Variants in ACYP2 observed in about 807,000 individuals in gnomAD.
The protein encoded by ACYP2 is acylphosphatase 2.
A neutral mutation model predicts 11.2 loss-of-function variants in ACYP2; 12 were observed. The ratio of observed to expected loss-of-function variants is 1.08; its 90% confidence interval spans 0.69 to 1.74. The LOEUF is 1.74. ACYP2 is among the 40% of genes most tolerant of loss of function. The pLI, the probability that ACYP2 is intolerant of heterozygous loss-of-function variation, is 0.00. For synonymous variants in ACYP2, 43 were observed against 32.2 expected (o/e 1.33, Z -1.13); for missense variants, 134 against 101.9 (o/e 1.31, Z -1.35).
rs1447852707 is a variant in ACYP2 at position 54,115,905 on chromosome 2, G to GGGGGGGGGT, written c.278-19548_278-19547insGGGGGGGGT. ...TGACACAGCAGCGGCGGCGGGGAGG[G>GGGGGGGGGT]AGGCGAAACGCGCATGCGCCCGAGG... On this transcript the variant is annotated intron_variant, in intron 4 of 6. Transcript: ENST00000607452. 1.7e-5 allele frequency: 18 copies of GGGGGGGGGT among 1,049,150 alleles called. No homozygotes were observed. In the African/African-American group the frequency reaches 4.0e-4, roughly 23 times the overall value. 65.0% of individuals were successfully genotyped at this position (1,049,150 alleles called of 1,614,324 possible).
At chr2:54,009,225 G>C (rs1450324494) in intron 2 of ACYP2, among the ~76,000 whole-genome samples, 3 of 151,956 alleles carry the variant, frequency 2.0e-5, no homozygotes, top group Non-Finnish European at 2.9e-5. Flanking sequence ...GAATACTATT[G>C]TGGGGAATGA....
intron 2 of ACYP2, among the ~76,000 whole-genome samples, chr2:53,983,462 C>T (rs1228384909): frequency 1.3e-5 from 2 of 152,108 alleles, no homozygotes; most frequent in African/African-American, 4.8e-5. Flanking sequence ...GATGTGATTG[C>T]ACCACTGCCC....
chr2:54,016,222 A>C (rs1673675906), intron 2 of ACYP2, among the ~76,000 whole-genome samples: 1 of 152,026 alleles, frequency 6.6e-6, no homozygotes, highest in Admixed American at 6.6e-5. Flanking sequence ...GGCTTAGCTC[A>C]CAGTGCTGTC....
At chr2:54,101,824 A>G (rs910850527) in intron 4 of ACYP2, among the ~76,000 whole-genome samples, 1 of 152,210 alleles carries the variant, frequency 6.6e-6, no homozygotes, top group Non-Finnish European at 1.5e-5. Context: ...CAGAAAGTAC[A>G]GAGGGCTCTC....
At chr2:54,212,392 C>A (rs185702922) in intron 6 of ACYP2, among the ~76,000 whole-genome samples, 3 of 152,272 alleles carry the variant, frequency 2.0e-5, no homozygotes, top group Admixed American at 6.5e-5. Flanking sequence ...TTGAGTTCAC[C>A]TGTCATCCTG....
At chr2:54,078,377 T>A (rs1677455969) in intron 4 of ACYP2, among the ~76,000 whole-genome samples, 1 of 149,686 alleles carries the variant, frequency 6.7e-6, no homozygotes, top group African/African-American at 2.5e-5. Context: ...AGCTTCCATA[T>A]ATACATATAT....
intron 4 of ACYP2, among the ~76,000 whole-genome samples, chr2:54,063,259 TACAGGTGTGAGCC>T (rs1292555861): frequency 6.6e-6 from 1 of 152,186 alleles, no homozygotes; most frequent in African/African-American, 2.4e-5. Context: ...GTGTTGAGAT[TACAGGTGTGAGCC>T]ACTGCACCTG....
chr2:54,171,879 G>A (rs138858336), intron 6 of ACYP2, among the ~76,000 whole-genome samples: 12 of 152,024 alleles, frequency 7.9e-5, no homozygotes, highest in African/African-American at 2.2e-4. Flanking sequence ...AAAAGGTGCC[G>A]TTTTCTTTCC....
At chr2:54,253,156 G>C (rs1256495301) in intron 6 of ACYP2, 3 of 152,196 alleles carry the variant, frequency 2.0e-5, no homozygotes, top group Non-Finnish European at 4.4e-5. Flanking sequence ...ACCAGGACAA[G>C]TTATCAAAAA....
intron 6 of ACYP2, chr2:54,255,647 C>A (rs762227245): frequency 6.2e-7 from 1 of 1,613,730 alleles, no homozygotes; most frequent in South Asian, 1.1e-5. Flanking sequence ...TCCATTTCTT[C>A]GCCTCCTGGC....
chr2:54,111,877 C>T (rs553096528), intron 4 of ACYP2, among the ~76,000 whole-genome samples: 2 of 152,306 alleles, frequency 1.3e-5, no homozygotes, highest in Non-Finnish European at 2.9e-5. Flanking sequence ...ATAACTCTAG[C>T]AATCACTTTC....
chr2:54,111,552 C>A (rs1422100503), intron 4 of ACYP2, among the ~76,000 whole-genome samples: 1 of 152,226 alleles, frequency 6.6e-6, no homozygotes, highest in Non-Finnish European at 1.5e-5. Flanking sequence ...TGATAGAACG[C>A]TTAAGCAATT....
At chr2:54,007,300 C>T (rs1180596599) in intron 2 of ACYP2, among the ~76,000 whole-genome samples, 2 of 142,814 alleles carry the variant, frequency 1.4e-5, no homozygotes, top group African/African-American at 2.6e-5. Context: ...TGTCACCAGA[C>T]TGGAGTGCAA....
At chr2:53,975,209 G>C (rs1362969119) in intron 2 of ACYP2, 6 of 390,712 alleles carry the variant, frequency 1.5e-5, no homozygotes, top group Non-Finnish European at 1.3e-5. Context: ...TGGCGACAGA[G>C]CGAGACTCTG....
At chr2:54,243,233 G>A (rs979428437) in intron 6 of ACYP2, among the ~76,000 whole-genome samples, 2 of 152,080 alleles carry the variant, frequency 1.3e-5, no homozygotes, top group Non-Finnish European at 2.9e-5. Context: ...CAATTTCTTT[G>A]TTGTGCAAAT....
chr2:54,010,137 G>A (rs927018631), intron 2 of ACYP2, among the ~76,000 whole-genome samples: 3 of 152,134 alleles, frequency 2.0e-5, no homozygotes, highest in East Asian at 3.9e-4. Flanking sequence ...TCCTAGGAAG[G>A]TGGATGGTAA....
At chr2:54,089,636 G>A (rs1678117499) in intron 4 of ACYP2, among the ~76,000 whole-genome samples, 1 of 151,858 alleles carries the variant, frequency 6.6e-6, no homozygotes, top group Middle Eastern at 3.4e-3. Context: ...GCTACTCAGG[G>A]GGCTGAGGTG....
At position 54,231,408 on chromosome 2, in the gene ACYP2, T is replaced by C. The variant is rs547150153; in HGVS notation, c.405-73280T>C. 5.3e-5 allele frequency among the ~76,000 whole-genome samples: 8 copies of C among 152,356 alleles called. No individual in the cohort carries two copies. The South Asian group carries it at 1.7e-3, about 32-fold the overall frequency. ...ATGCATCCAAGAAATGCAGTATCTT[T>C]CTGTTAACATAAATTATCTAAATTC... On this transcript the variant is annotated intron_variant, in intron 6 of 6. Transcript: ENST00000607452.
intron 2 of ACYP2, among the ~76,000 whole-genome samples, chr2:54,020,128 G>A (rs537643817): frequency 3.9e-5 from 6 of 152,052 alleles, no homozygotes; most frequent in African/African-American, 1.4e-4. Context: ...GTAGAGATGG[G>A]GTTTAGCCAT....
Sources: gnomAD v4.1 joint callset for allele counts (sites outside exome capture counted in the v4.1 genomes callset) on GRCh38, gnomAD v4.1.1 for gene constraint, MANE v1.5 for transcripts, NCBI Gene and HGNC (gene_info 2026-07-23, HGNC 2026-07-21) for gene names.